ASMT: variants seen among roughly 807,000 people sequenced by gnomAD.
ASMT encodes acetylserotonin N-methyltransferase.
ASMT carries 53 observed loss-of-function variants against 41.3 expected under a neutral mutation model. That is an observed-to-expected ratio of 1.28 (90% confidence interval 1.03 to 1.61). ASMT has a LOEUF of 1.61. Among genes scored for constraint, ASMT ranks in the 40% most tolerant of loss-of-function variants. ASMT has a pLI of 0.00. For missense variants in ASMT, 531 were observed against 441.3 expected (o/e 1.20, Z -1.82); for synonymous variants, 231 against 184.8 (o/e 1.25, Z -2.03).
At chrX:1,636,239 G>A (rs746363877) in intron 7 of ASMT, 199 bp from the exon 8 acceptor site, 2 of 771,428 alleles carry the variant, frequency 2.6e-6, no homozygotes, top group Non-Finnish European at 4.6e-6. Flanking sequence ...TTACAGGCGT[G>A]AGCCACCGCG....
chrX:1,633,316 G>A (rs1390691398), intron 7 of ASMT, 26 bp downstream of exon 7: 2 of 1,613,890 alleles, frequency 1.2e-6, no homozygotes, highest in Non-Finnish European at 8.5e-7. Flanking sequence ...TGGGGAAGCA[G>A]AGATGTGTCT....
chrX:1,617,069 A>T (rs1181898443), intron 1 of ASMT, among the ~76,000 whole-genome samples: 1 of 151,898 alleles, frequency 6.6e-6, no homozygotes, highest in Non-Finnish European at 1.5e-5. Context: ...GCTACTCAGG[A>T]GGCTGAGGCG....
intron 2 of ASMT, 21 bp from the exon 3 acceptor site, chrX:1,624,248 G>C: frequency 1.9e-6 from 3 of 1,613,792 alleles, no homozygotes; most frequent in Non-Finnish European, 2.5e-6. Context: ...CTTTTTCCCT[G>C]TTTTTTTGTG....
chrX:1,636,925 G>GATAA (rs1569384210), intron 8 of ASMT, among the ~76,000 whole-genome samples: 175 of 99,148 alleles, frequency 1.8e-3, no homozygotes, highest in Middle Eastern at 4.7e-3. Context: ...GTGTGTGATG[G>GATAA]GGACAGTGTC....
chrX:1,627,669 G>GAAATGAAATA (rs1569376074), intron 3 of ASMT, 34 bp from the exon 4 acceptor site: 1 of 1,233,446 alleles, frequency 8.1e-7, no homozygotes, highest in South Asian at 1.2e-5. Flanking sequence ...GAAATGAAAT[G>GAAATGAAATA]AAATGAAAAT....
Position 1,629,981 on chromosome X carries a change from T to A in ASMT, c.562+42T>A, listed in dbSNP as rs749082727. On this transcript the variant is annotated intron_variant, in intron 5 of 8. Transcript: ENST00000381241. The stretch of plus-strand genomic sequence containing the variant: ...ACTAATACCTCGGAGGTGTGGCTTC[T>A]GTTCTGTATGGGGAATGTGTTATTC... 4.1e-6 allele frequency: 6 copies of A among 1,470,300 alleles called. No homozygotes were observed. In the Admixed American group the frequency reaches 1.0e-4, roughly 25 times the overall value. 91.1% of individuals were successfully genotyped at this position (1,470,300 alleles called of 1,614,324 possible). A position where few individuals can be genotyped will look rare whatever the true frequency, so the allele number is the denominator to read the frequency against.
intron 7 of ASMT, 136 bp downstream of exon 7, chrX:1,633,426 G>C (rs1934850132): frequency 4.1e-6 from 4 of 986,332 alleles, no homozygotes. Context: ...AACACTGTCT[G>C]TTATTCATGA....
At chrX:1,616,722 T>C (rs1934129741) in intron 1 of ASMT, among the ~76,000 whole-genome samples, 1 of 150,730 alleles carries the variant, frequency 6.6e-6, no homozygotes, top group Non-Finnish European at 1.5e-5. Flanking sequence ...TTCTTTTTTC[T>C]TTTTGAGACA....
At chrX:1,625,629 A>G (rs1192202075) in intron 3 of ASMT, among the ~76,000 whole-genome samples, 6 of 151,382 alleles carry the variant, frequency 4.0e-5, no homozygotes, top group Non-Finnish European at 8.8e-5. Flanking sequence ...AGAAAGAGAG[A>G]GAGAGAGAGA....
intron 1 of ASMT, among the ~76,000 whole-genome samples, chrX:1,615,780 G>A (rs193133721): frequency 1.3e-5 from 2 of 150,936 alleles, no homozygotes; most frequent in African/African-American, 2.4e-5. Flanking sequence ...CCCGCCTGGG[G>A]GACACAGCAA....
At chrX:1,616,197 TTTTGTA>T (rs1409560842) in intron 1 of ASMT, among the ~76,000 whole-genome samples, 2 of 78,110 alleles carry the variant, frequency 2.6e-5, no homozygotes, top group South Asian at 3.7e-4. Flanking sequence ...CCCGGCTAAT[TTTTGTA>T]TTTTTAGTAG....
At chrX:1,629,531 C>T (rs1356642797) in intron 4 of ASMT, among the ~76,000 whole-genome samples, 1 of 152,200 alleles carries the variant, frequency 6.6e-6, no homozygotes, top group East Asian at 1.9e-4. Flanking sequence ...GTATTATTGA[C>T]TTTCCTCTTA....
chrX:1,616,177 C>T lies in ASMT; in HGVS notation c.69+909C>T, dbSNP rs1194232350. Among the ~76,000 whole-genome samples the T allele has an allele frequency of 2.4e-4, 34 of 139,798 alleles. 1 individual carries two copies. Among genetic ancestry groups the T allele is most frequent in the African/African-American group, 5.6e-4 (19 of 33,914 alleles). 91.7% of individuals were successfully genotyped at this position (139,798 alleles called of 152,430 possible). A position where few individuals can be genotyped will look rare whatever the true frequency, so the allele number is the denominator to read the frequency against. The stretch of plus-strand genomic sequence containing the variant: ...CCGAGTATCTGGGATTACAGGCACC[C>T]ACCACCACGCCCGGCTAATTTTTGT... On this transcript the variant is annotated intron_variant, in intron 1 of 8. Coordinates refer to ENST00000381241, the MANE Select transcript of ASMT (RefSeq NM_001171038.2).
At position 1,615,220 on chromosome X, in the gene ASMT, G is replaced by A. The variant is rs774878203; in HGVS notation, c.21G>A (p.Gln7=). ...ACAAGATGGGATCCTCAGAGGACCA[G>A]GCCTATCGCCTCCTTAATGACTACG... MGSSED[Q]AYRLLNDYAN... Residue 7 remains glutamine (Q), a synonymous_variant, in exon 1 of 9, where the codon CAG becomes CAA. Transcript: ENST00000381241. 5 of 1,598,042 alleles carry A rather than the reference G, an allele frequency of 3.1e-6. No individual in the cohort carries two copies. In the South Asian group the frequency reaches 5.7e-5, roughly 18 times the overall value.
At position 1,624,595 on chromosome X, in the gene ASMT, C is replaced by A. The variant is rs113849706; in HGVS notation, c.374+197C>A. 243 of 838,416 alleles carry A rather than the reference C, an allele frequency of 2.9e-4. 2 individuals are homozygous for A. The African/African-American group carries it at 5.7e-3, about 20-fold the overall frequency. 51.9% of individuals were successfully genotyped at this position (838,416 alleles called of 1,614,324 possible). ...GGCAGATGCTGGGAGGTGGGGGCTGCCCCCAGGCAGATGCTGGGAGGTGGT... is the reference window on the plus strand; with the variant it reads ...GGCAGATGCTGGGAGGTGGGGGCTGACCCCAGGCAGATGCTGGGAGGTGGT... On this transcript the variant is annotated intron_variant, in intron 3 of 8. Coordinates refer to ENST00000381241, the MANE Select transcript of ASMT (RefSeq NM_001171038.2).
At chrX:1,623,770 C>T (rs1330228352) in intron 2 of ASMT, among the ~76,000 whole-genome samples, 5 of 151,980 alleles carry the variant, frequency 3.3e-5, no homozygotes, top group African/African-American at 1.2e-4. Context: ...ATCACGTTGG[C>T]CAGGCTGGTC....
At chrX:1,636,924 G>A (rs57701027) in intron 8 of ASMT, among the ~76,000 whole-genome samples, 25,923 of 111,094 alleles carry the variant, frequency 0.23, 3,391 homozygotes, top group East Asian at 0.62. Flanking sequence ...TGTGTGTGAT[G>A]GGGACAGTGT....
rs756252240 is a variant in ASMT, at chrX:1,615,810, A to G, written c.69+542A>G. Reference sequence around the variant, plus strand: ...CAGCAAGACTCTGTGTCAAAAAAAAACCAAACAAACAACAAAAAAAAAGAA... The same window carrying G: ...CAGCAAGACTCTGTGTCAAAAAAAAGCCAAACAAACAACAAAAAAAAAGAA... On this transcript the variant is annotated intron_variant, in intron 1 of 8. Coordinates refer to ENST00000381241, the MANE Select transcript of ASMT (RefSeq NM_001171038.2). 1.1e-4 allele frequency among the ~76,000 whole-genome samples: 17 copies of G among 151,878 alleles called. No homozygotes were observed. In the South Asian group the frequency reaches 3.5e-3, roughly 32 times the overall value.
At chrX:1,628,947 TTTCTTTCC>T (rs58774038) in intron 4 of ASMT, among the ~76,000 whole-genome samples, 52,559 of 143,560 alleles carry the variant, frequency 0.37, 9,466 homozygotes, top group Middle Eastern at 0.45. Context: ...TCTCTCTTTC[TTTCTTTCC>T]TTCTTTCTTT....
Sources: allele counts gnomAD v4.1 joint callset (sites outside exome capture counted in the v4.1 genomes callset), GRCh38; gene constraint gnomAD v4.1.1; transcripts MANE v1.5; gene names NCBI Gene and HGNC (gene_info 2026-07-23, HGNC 2026-07-21).